The following PSMB2 variants were observed in gnomAD, a reference collection of about 807,000 sequenced individuals.
PSMB2 encodes the protein proteasome subunit beta type-2.
Under a neutral mutation model 25.7 loss-of-function variants are expected in PSMB2, and 13 were observed. The observed-to-expected ratio is 0.51, with a 90% CI of 0.33 to 0.80. The LOEUF is 0.80. Among genes scored for constraint, PSMB2 ranks in the 30% least tolerant of loss-of-function variants. PSMB2 has a pLI of 0.02. For synonymous variants in PSMB2, 87 were observed against 96.2 expected, an observed-to-expected ratio of 0.90 and a Z score of 0.56; for missense variants, 202 against 259.0, an observed-to-expected ratio of 0.78 and a Z score of 1.51.
intron 5 of PSMB2, among the ~76,000 whole-genome samples, chr1:35,604,793 A>T (rs936423116): frequency 1.3e-5 from 2 of 152,202 alleles, no homozygotes; most frequent in African/African-American, 4.8e-5. Context: ...ATAAAAAAAT[A>T]AAGTCTAGAG....
intron 3 of PSMB2, among the ~76,000 whole-genome samples, chr1:35,628,578 G>GA (rs67766222): frequency 1.8e-3 from 58 of 32,948 alleles, no homozygotes; most frequent in African/African-American, 2.4e-3. Flanking sequence ...TTTCTTGGAA[G>GA]AAAAAAAAAA....
intron 1 of PSMB2, among the ~76,000 whole-genome samples, chr1:35,639,475 A>T (rs1201003979): frequency 6.6e-6 from 1 of 152,166 alleles, no homozygotes; most frequent in Non-Finnish European, 1.5e-5. Flanking sequence ...CATTAATTTA[A>T]AAACCAACCT....
At chr1:35,605,170 A>G (rs1650125774) in intron 5 of PSMB2, 63 bp downstream of exon 5, 2 of 1,494,344 alleles carry the variant, frequency 1.3e-6, no homozygotes, top group African/African-American at 2.8e-5. Context: ...ACTGAGGAAC[A>G]GGAACAACAC....
intron 3 of PSMB2, among the ~76,000 whole-genome samples, chr1:35,622,288 A>T (rs919275341): frequency 4.6e-5 from 7 of 152,186 alleles, no homozygotes; most frequent in African/African-American, 1.7e-4. Flanking sequence ...ATCTGTGAGT[A>T]TGTGGGAGGG....
rs539921332 is a variant in PSMB2 at position 35,616,056 on chromosome 1, TTAGA to T, written c.286-6652_286-6649del. 2.1e-3 allele frequency among the ~76,000 whole-genome samples: 320 copies of T among 152,328 alleles called. 1 individual carries two copies. Among genetic ancestry groups the T allele is most frequent in the Non-Finnish European group, 3.4e-3 (229 of 68,028 alleles). On this transcript the variant is annotated intron_variant, in intron 3 of 5. Coordinates refer to ENST00000373237, the MANE Select transcript of PSMB2 (RefSeq NM_002794.5). ...TTTCATGAAAATGCAATTTACAGACTTAGATAGGATAGAAAACCTCAACTAGTTT... is the reference window on the plus strand; with the variant it reads ...TTTCATGAAAATGCAATTTACAGACTTAGGATAGAAAACCTCAACTAGTTT...
At chr1:35,632,906 C>T (rs1303544258) in intron 2 of PSMB2, among the ~76,000 whole-genome samples, 2 of 151,286 alleles carry the variant, frequency 1.3e-5, no homozygotes, top group Non-Finnish European at 2.9e-5. Context: ...ACAACAACAA[C>T]AAAAATAATA....
intron 1 of PSMB2, among the ~76,000 whole-genome samples, 158 bp from the exon 2 acceptor site, chr1:35,636,590 A>AG (rs1433862350): frequency 7.1e-6 from 1 of 140,798 alleles, no homozygotes; most frequent in African/African-American, 2.8e-5. Context: ...AAAATTATTC[A>AG]GAAAAAAAAA....
intron 1 of PSMB2, among the ~76,000 whole-genome samples, chr1:35,639,781 T>C (rs567563389): frequency 6.6e-6 from 1 of 152,202 alleles, no homozygotes; most frequent in Non-Finnish European, 1.5e-5. Flanking sequence ...TTCAAAATAA[T>C]GGACAAATTT....
At chr1:35,607,705 T>C (rs918266887) in intron 4 of PSMB2, among the ~76,000 whole-genome samples, 25 of 152,210 alleles carry the variant, frequency 1.6e-4, no homozygotes, top group African/African-American at 5.3e-4. Context: ...GAAATCATTA[T>C]ATTGGATGAA....
At chr1:35,640,906 TC>T (rs1178773363) in intron 1 of PSMB2, among the ~76,000 whole-genome samples, 1 of 152,056 alleles carries the variant, frequency 6.6e-6, no homozygotes, top group Non-Finnish European at 1.5e-5. Context: ...AATGCCAAGG[TC>T]CCAGACCTGT....
intron 3 of PSMB2, among the ~76,000 whole-genome samples, chr1:35,629,652 T>C (rs1651030959): frequency 6.6e-6 from 1 of 151,060 alleles, no homozygotes. Context: ...CCACTAAAAA[T>C]ACAAAAAATT....
chr1:35,630,046 A>G (rs914838652), intron 3 of PSMB2, among the ~76,000 whole-genome samples: 1 of 151,984 alleles, frequency 6.6e-6, no homozygotes, highest in African/African-American at 2.4e-5. Flanking sequence ...GTGGTGGTGC[A>G]TGCCTGTAAT....
At chr1:35,615,083 CTA>C (rs1373163478) in intron 3 of PSMB2, among the ~76,000 whole-genome samples, 1 of 152,140 alleles carries the variant, frequency 6.6e-6, no homozygotes, top group African/African-American at 2.4e-5. Flanking sequence ...TGCAGATTGA[CTA>C]TTACCACAAC....
rs906862530 is a variant in PSMB2, at chr1:35,599,991, C to A, written c.*3276G>T. 47 of 611,976 alleles carry A rather than the reference C, an allele frequency of 7.7e-5. No homozygotes were observed. Among genetic ancestry groups the A allele is most frequent in the Non-Finnish European group, 8.6e-5 (42 of 489,304 alleles). The allele number at this position is 611,976 out of a possible 1,614,324, so 37.9% of individuals were successfully genotyped here. A position where few individuals can be genotyped will look rare whatever the true frequency, so the allele number is the denominator to read the frequency against. On this transcript the variant is annotated 3_prime_UTR_variant, in exon 6 of 6. Transcript: ENST00000373237. The stretch of plus-strand genomic sequence containing the variant: ...CTACAAAAAATTTTGACAAAATTAG[C>A]TGGGTGCAGTGGTGCACCCCTCTAG...
chr1:35,628,631 A>ATTTTTTT (rs138110586), intron 3 of PSMB2, among the ~76,000 whole-genome samples: 5 of 38,068 alleles, frequency 1.3e-4, no homozygotes, highest in East Asian at 5.5e-3. Flanking sequence ...ATATATATAT[A>ATTTTTTT]TTTTTTTTTT....
chr1:35,616,516 T>A (rs1477713371), intron 3 of PSMB2, among the ~76,000 whole-genome samples: 2 of 152,232 alleles, frequency 1.3e-5, no homozygotes, highest in African/African-American at 4.8e-5. Flanking sequence ...GAATCCTACC[T>A]TAGCTTCCCA....
At chr1:35,634,572 C>A (rs929236131) in intron 2 of PSMB2, among the ~76,000 whole-genome samples, 5 of 151,990 alleles carry the variant, frequency 3.3e-5, no homozygotes, top group African/African-American at 7.3e-5. Flanking sequence ...GAGCCAGGGT[C>A]TTGCTTTGTT....
chr1:35,633,755 G>C (rs1164420929), intron 2 of PSMB2, among the ~76,000 whole-genome samples: 1 of 152,266 alleles, frequency 6.6e-6, no homozygotes, highest in Non-Finnish European at 1.5e-5. Context: ...TCAGGACTAA[G>C]CCTTATTCAT....
intron 2 of PSMB2, among the ~76,000 whole-genome samples, chr1:35,634,626 T>C (rs906203135): frequency 5.3e-5 from 8 of 152,084 alleles, no homozygotes; most frequent in Non-Finnish European, 1.2e-4. Flanking sequence ...GATCCTCCCA[T>C]CTCAGCCTCT....
Sources: gnomAD v4.1 joint callset for allele counts (sites outside exome capture counted in the v4.1 genomes callset) on GRCh38, gnomAD v4.1.1 for gene constraint, MANE v1.5 for transcripts, NCBI Gene and HGNC (gene_info 2026-07-23, HGNC 2026-07-21) for gene names.